Variants in CRTC2 observed in about 807,000 individuals in gnomAD.
CRTC2 encodes CREB regulated transcription coactivator 2.
CRTC2 carries 25 observed loss-of-function variants against 70.9 expected under a neutral mutation model. That is an observed-to-expected ratio of 0.35 (90% CI 0.26 to 0.49). The LOEUF (loss-of-function observed/expected upper bound fraction) is 0.49. Ranked by LOEUF, CRTC2 falls within the 20% of genes least tolerant of loss-of-function variation. The pLI, the probability that CRTC2 is intolerant of heterozygous loss-of-function variation, is 0.98. For missense variants in CRTC2, 737 were observed against 882.6 expected (o/e 0.83, Z 2.09); for synonymous variants, 330 against 364.1 (o/e 0.91, Z 1.07).
rs969617285 is a variant in CRTC2, at chr1:153,953,465, G to A, written c.503+73C>T. 6.5e-6 allele frequency: 10 copies of A among 1,537,364 alleles called. No individual in the cohort carries two copies. In the African/African-American group the frequency reaches 1.2e-4, roughly 19 times the overall value. Reference sequence around the variant, plus strand: ...GAAAACACTAGCTGGTCTGGAACAGGGTGGGGGTGAGGGAGCAGGGCCCCA... The same window carrying A: ...GAAAACACTAGCTGGTCTGGAACAGAGTGGGGGTGAGGGAGCAGGGCCCCA... On this transcript the variant is annotated intron_variant, in intron 5 of 13. Coordinates refer to ENST00000368633, the MANE Select transcript of CRTC2 (RefSeq NM_181715.3).
chr1:153,952,660 GGA>G, intron 7 of CRTC2, 25 bp from the exon 8 acceptor site: 1 of 1,613,726 alleles, frequency 6.2e-7, no homozygotes, highest in Non-Finnish European at 8.5e-7. Flanking sequence ...ACTGGTGATG[GGA>G]GAGTTGGAGA....
chr1:153,949,467 C>T, intron 11 of CRTC2, 83 bp from the exon 12 acceptor site: 9 of 1,410,062 alleles, frequency 6.4e-6, no homozygotes, highest in Non-Finnish European at 7.6e-6. Flanking sequence ...CCTTCTTTAG[C>T]TACAACCATT....
At chr1:153,957,189 T>C (rs1452057595) in intron 1 of CRTC2, among the ~76,000 whole-genome samples, 2 of 150,070 alleles carry the variant, frequency 1.3e-5, no homozygotes, top group African/African-American at 4.9e-5. Context: ...ACATAGTCCC[T>C]AGAGACTCAA....
At chr1:153,954,181 A>T in intron 4 of CRTC2, 74 bp downstream of exon 4, 1 of 1,154,134 alleles carries the variant, frequency 8.7e-7, no homozygotes, top group Non-Finnish European at 1.3e-6. Context: ...CCCAGCCCCA[A>T]CCCAGAAGGG....
At chr1:153,955,696 T>TAA (rs113742936) in intron 1 of CRTC2, among the ~76,000 whole-genome samples, 7 of 143,046 alleles carry the variant, frequency 4.9e-5, no homozygotes, top group South Asian at 2.3e-4. Context: ...AAAAAAAAGT[T>TAA]AAAAAAAAAA....
In CRTC2 at chr1:153,954,211, C is replaced by G. The variant is rs192393101; in HGVS notation, c.434+44G>C. 1.9e-5 allele frequency: 28 copies of G among 1,490,208 alleles called. No individual in the cohort carries two copies. In the African/African-American group the frequency reaches 3.7e-4, roughly 20 times the overall value. The allele number at this position is 1,490,208 out of a possible 1,614,324, so 92.3% of individuals were successfully genotyped here. On this transcript the variant is annotated intron_variant, in intron 4 of 13. Transcript: ENST00000368633. ...GAAGGGGCAACTCCTTCCAGAAACA[C>G]GTCAGAGAGTAGGCAGGAGCTTCTG... is the stretch of plus-strand genomic sequence containing the variant.
In CRTC2 at chr1:153,951,364, G is replaced by T. The variant is rs772823934; in HGVS notation, c.1300C>A (p.Pro434Thr). ...GCTGGGCCCGCGAGCAAACTCAGGG[G>T]GCTGAGGGGCACACGGCGGTGGTGG... ...SPHHRRVPLS[P>T]LSLLAGPADA... The change falls in exon 11 of 14, where the codon CCC becomes ACC. Residue 434 changes from proline to threonine, a missense_variant. Transcript: ENST00000368633. 8 of 1,613,040 alleles carry T rather than the reference G, an allele frequency of 5.0e-6. No individual in the cohort carries two copies. In the Admixed American group the frequency reaches 6.7e-5, roughly 13 times the overall value.
At position 153,958,556 on chromosome 1, in the gene CRTC2, C is replaced by A. The variant is rs1680767424; in HGVS notation, c.-59G>T. On this transcript the variant is annotated 5_prime_UTR_variant, in exon 1 of 14. Transcript: ENST00000368633. ...GTACCAGCCGCGGCCTCCGCCGCGG[C>A]CTCGGCCCGGCTCCTCCAGCCGTAG... 1.3e-6 allele frequency: 2 copies of A among 1,487,198 alleles called. No homozygotes were observed. The highest frequency in any genetic ancestry group is 1.8e-6 in the Non-Finnish European group (2 of 1,111,924). The allele number at this position is 1,487,198 out of a possible 1,614,324, so 92.1% of individuals were successfully genotyped here.
At position 153,952,415 on chromosome 1, in the gene CRTC2, C is replaced by G. The variant is rs1680379723; in HGVS notation, c.734G>C (p.Cys245Ser). The G allele has an allele frequency of 6.2e-7, 1 of 1,614,054 alleles. No homozygotes were observed. The highest frequency in any genetic ancestry group is 8.5e-7 in the Non-Finnish European group (1 of 1,180,022). ...TACTTACTTAATTCCAGGGACTTCA[C>G]AGGACCGAGGTCGGGAAGAGGATGA... ...LSSSSSRPRS[C>S]EVPGINIFPS... The change falls in exon 9 of 14, where the codon TGT becomes TCT. Residue 245 changes from cysteine (C) to serine (S), a missense_variant. Transcript: ENST00000368633.
chr1:153,951,148 G>A, intron 11 of CRTC2, 112 bp downstream of exon 11: 1 of 1,140,430 alleles, frequency 8.8e-7, no homozygotes, highest in Non-Finnish European at 1.3e-6. Context: ...ACAGAGGAAT[G>A]GAAGGGGATG....
chr1:153,951,391 G>GGGA lies in CRTC2; in HGVS notation c.1270_1272dup (p.Ser424dup). On this transcript the variant is annotated inframe_insertion, in exon 11 of 14. Transcript: ENST00000368633. ...CTGAGGGGCACACGGCGGTGGTGGG[G>GGGA]GGAGGCCCCAGGGGTAGAAGCAGGG... The GGGA allele has an allele frequency of 6.2e-7, 1 of 1,611,060 alleles. No homozygotes were observed. Among genetic ancestry groups the GGGA allele is most frequent in the Non-Finnish European group, 8.5e-7 (1 of 1,178,556 alleles).
At chr1:153,953,708 T>G in intron 4 of CRTC2, 102 bp from the exon 5 acceptor site, 1 of 703,698 alleles carries the variant, frequency 1.4e-6, no homozygotes, top group Non-Finnish European at 2.4e-6. Flanking sequence ...GAAGTAAAGA[T>G]GGCTGAGCAC....
chr1:153,957,815 G>C (rs776862634), intron 1 of CRTC2, among the ~76,000 whole-genome samples: 2 of 152,132 alleles, frequency 1.3e-5, no homozygotes, highest in Non-Finnish European at 2.9e-5. Flanking sequence ...GAAGCAAAAG[G>C]ACGGGACGCA....
rs753638039 is a variant in CRTC2 at position 153,949,244 on chromosome 1, A to G, written c.1545T>C (p.Cys515=). 2 of 1,614,108 alleles carry G rather than the reference A, an allele frequency of 1.2e-6. No individual in the cohort carries two copies. Among genetic ancestry groups the G allele is most frequent in the Admixed American group, 3.3e-5 (2 of 60,020 alleles). Residue 515 remains cysteine (C), a synonymous_variant, in exon 12 of 14, where the codon TGT becomes TGC. Transcript: ENST00000368633. ...GCTGCCCACCTGAGGACTGCACTGA[A>G]CAAGACTGAGAGGGCAGCCCTGGCT... ...LQQPGLPSQS[C]SVQSSGGQPP...
At chr1:153,957,039 G>A (rs1004817476) in intron 1 of CRTC2, among the ~76,000 whole-genome samples, 2 of 152,168 alleles carry the variant, frequency 1.3e-5, no homozygotes, top group African/African-American at 4.8e-5. Context: ...CTAAAGGGGA[G>A]CAGTCTACAG....
At chr1:153,954,381 A>C in intron 3 of CRTC2, 65 bp from the exon 4 acceptor site, 1 of 1,115,116 alleles carries the variant, frequency 9.0e-7, no homozygotes, top group Non-Finnish European at 1.4e-6. Context: ...TGAGGAAAGA[A>C]CAATGAAGGC....
At chr1:153,952,550 C>T in intron 8 of CRTC2, 21 bp downstream of exon 8, 2 of 1,613,758 alleles carry the variant, frequency 1.2e-6, no homozygotes, top group Non-Finnish European at 1.7e-6. Context: ...TAGTGGGTGA[C>T]ACCCGGTGGC....
intron 1 of CRTC2, among the ~76,000 whole-genome samples, chr1:153,956,621 T>G (rs1008889661): frequency 9.2e-5 from 14 of 152,096 alleles, no homozygotes; most frequent in African/African-American, 2.9e-4. Flanking sequence ...GAAGACCACT[T>G]GAGGTCTCAT....
chr1:153,948,562 C>G lies in CRTC2; in HGVS notation c.1757G>C (p.Gly586Ala). 6.2e-7 allele frequency: 1 copy of G among 1,611,168 alleles called. No individual in the cohort carries two copies. Among genetic ancestry groups the G allele is most frequent in the Non-Finnish European group, 8.5e-7 (1 of 1,178,958 alleles). The change falls in exon 13 of 14, where the codon GGG becomes GCG. Residue 586 changes from glycine (G) to alanine (A), a missense_variant. By Grantham distance (60) the Gly-to-Ala change is moderately conservative (BLOSUM62 0). Around this residue, in one of 3 missense-constraint regions of CRTC2, gnomAD observed 699 missense variants for 823.7 expected, o/e 0.85. Transcript: ENST00000368633. ...GGGGCCACCCATTGGCCCCTCACCC[C>G]CTAAAAATCCAGGCCCTTCAGAAAA... ...PGFSEGPGFL[G>A]GEGPMGGPQD...
Sources: allele counts gnomAD v4.1 joint callset (sites outside exome capture counted in the v4.1 genomes callset), GRCh38; gene constraint gnomAD v4.1.1; regional missense constraint gnomAD v4.1.1; transcripts MANE v1.5; gene names NCBI Gene and HGNC (gene_info 2026-07-23, HGNC 2026-07-21).